Variants in ELK3 observed in about 807,000 individuals in gnomAD.
ELK3 encodes the protein ETS transcription factor ELK3, also known as ETS domain-containing protein Elk-3.
A neutral mutation model predicts 28.9 loss-of-function variants in ELK3; 10 were observed. The ratio of observed to expected loss-of-function variants is 0.35; its 90% CI spans 0.21 to 0.59. The LOEUF (loss-of-function observed/expected upper bound fraction) is 0.59. ELK3 is among the 20% of genes least tolerant of loss of function. The probability of loss-of-function intolerance (pLI) is 0.82; values close to 1 mark genes in which losing one functional copy is unlikely to be tolerated. For missense variants in ELK3, 463 were observed against 517.3 expected, an observed-to-expected ratio of 0.90 and a Z score of 1.02; for synonymous variants, 272 against 243.5, an observed-to-expected ratio of 1.12 and a Z score of -1.09.
At chr12:96,222,148 G>C (rs1279107436) in intron 1 of ELK3, among the ~76,000 whole-genome samples, 1 of 152,048 alleles carries the variant, frequency 6.6e-6, no homozygotes, top group Non-Finnish European at 1.5e-5. Context: ...AATGAGGATT[G>C]ATAACACAAA....
chr12:96,267,217 G>GAAAC lies in ELK3; in HGVS notation c.*41_*44dup. 1 of 1,580,054 alleles carries GAAAC rather than the reference G, an allele frequency of 6.3e-7. No individual in the cohort carries two copies. The highest frequency in any genetic ancestry group is 1.1e-5 in the South Asian group (1 of 87,040). ...CACAATTAAGGACTCATTAACTGATGAAACAAATTTGTCCCCACGGGCTAG... is the reference window on the plus strand; with the variant it reads ...CACAATTAAGGACTCATTAACTGATGAAACAAACAAATTTGTCCCCACGGGCTAG... On this transcript the variant is annotated 3_prime_UTR_variant, in exon 5 of 5. Transcript: ENST00000228741.
In ELK3 at chr12:96,258,548, G is replaced by A. The variant is rs571632087; in HGVS notation, c.1003-1183G>A. On this transcript the variant is annotated intron_variant, in intron 3 of 4. Transcript: ENST00000228741. The stretch of plus-strand genomic sequence containing the variant: ...GCATGGTGCAGTCTGAAAGGCTGGC[G>A]CCTTTGCTGTGGTTCTTCTTACACA... Among the ~76,000 whole-genome samples the A allele has an allele frequency of 1.4e-4, 21 of 152,296 alleles. 1 individual carries two copies. The South Asian group carries it at 2.9e-3, about 21-fold the overall frequency.
chr12:96,196,910 A>AAAAACAGCC (rs1428621228), intron 1 of ELK3, among the ~76,000 whole-genome samples: 1 of 152,138 alleles, frequency 6.6e-6, no homozygotes, highest in Non-Finnish European at 1.5e-5. Context: ...AAGTTGTCCT[A>AAAAACAGCC]AAAACAGCCC....
chr12:96,256,796 T>C (rs190320138), intron 3 of ELK3, among the ~76,000 whole-genome samples: 2 of 151,998 alleles, frequency 1.3e-5, no homozygotes, highest in African/African-American at 4.8e-5. Flanking sequence ...GAGGTGGCAT[T>C]TTGATGGGCA....
At chr12:96,257,507 T>C (rs1020519181) in intron 3 of ELK3, among the ~76,000 whole-genome samples, 17 of 152,220 alleles carry the variant, frequency 1.1e-4, no homozygotes, top group Admixed American at 1.0e-3. Context: ...CTAGACCTTG[T>C]ACATTGCTTA....
At chr12:96,196,871 A>C (rs1302125785) in intron 1 of ELK3, among the ~76,000 whole-genome samples, 1 of 151,690 alleles carries the variant, frequency 6.6e-6, no homozygotes, top group Non-Finnish European at 1.5e-5. Context: ...TGTTGCTTTT[A>C]AGGTGTTGGC....
At position 96,268,601 on chromosome 12, in the gene ELK3, T is replaced by G. The variant is rs1044772547; in HGVS notation, c.*1421T>G. On this transcript the variant is annotated 3_prime_UTR_variant, in exon 5 of 5. Transcript: ENST00000228741. ...AAGCACCAAGCTTTAAATTCAAGAT[T>G]AATTACAATCCTTAACTATAAGTGA... The G allele has an allele frequency of 4.6e-5, 7 of 152,186 alleles. No homozygotes were observed. The highest frequency in any genetic ancestry group is 1.0e-4 in the Non-Finnish European group (7 of 68,034). 9.4% of individuals were successfully genotyped at this position (152,186 alleles called of 1,614,324 possible).
rs1024756143 is a variant in ELK3, at chr12:96,268,804, G to C, written c.*1624G>C. On this transcript the variant is annotated 3_prime_UTR_variant, in exon 5 of 5. Transcript: ENST00000228741. ...ATTCTGAGGTTTTTCAATTGGAATT[G>C]AGCATCTCTGTATGTGGGGATGTGG... 6.6e-6 allele frequency: 1 copy of C among 152,178 alleles called. No homozygotes were observed. Among genetic ancestry groups the C allele is most frequent in the Non-Finnish European group, 1.5e-5 (1 of 68,026 alleles). 9.4% of individuals were successfully genotyped at this position (152,178 alleles called of 1,614,324 possible). A position where few individuals can be genotyped will look rare whatever the true frequency, so the allele number is the denominator to read the frequency against.
At chr12:96,224,860 A>G (rs1220296057) in intron 2 of ELK3, among the ~76,000 whole-genome samples, 1 of 152,192 alleles carries the variant, frequency 6.6e-6, no homozygotes, top group African/African-American at 2.4e-5. Flanking sequence ...TTAGTTCCTG[A>G]TCTATATTTA....
intron 2 of ELK3, among the ~76,000 whole-genome samples, chr12:96,245,208 A>C (rs1407168493): frequency 6.6e-6 from 1 of 152,164 alleles, no homozygotes; most frequent in African/African-American, 2.4e-5. Context: ...GGCAAATCAG[A>C]ATGTCATAAT....
Position 96,194,395 on chromosome 12 carries a change from C to T in ELK3, c.-313C>T, listed in dbSNP as rs1277004399. The T allele has an allele frequency of 6.8e-6, 1 of 146,418 alleles. No homozygotes were observed. The highest frequency in any genetic ancestry group is 1.5e-5 in the Non-Finnish European group (1 of 65,930). The allele number at this position is 146,418 out of a possible 1,614,324, so 9.1% of individuals were successfully genotyped here. A position where few individuals can be genotyped will look rare whatever the true frequency, so the allele number is the denominator to read the frequency against. On this transcript the variant is annotated 5_prime_UTR_variant, in exon 1 of 5. Coordinates refer to ENST00000228741, the MANE Select transcript of ELK3 (RefSeq NM_005230.4). ...GAGGCGCGGGCCTGGGCGGCCAGCC[C>T]CGGCGCACAGCCGCGGCCGGGGCGC...
At chr12:96,209,402 T>C (rs931164772) in intron 1 of ELK3, among the ~76,000 whole-genome samples, 3 of 152,020 alleles carry the variant, frequency 2.0e-5, no homozygotes, top group African/African-American at 4.8e-5. Context: ...AATAGAAGAG[T>C]TGGAGGATGC....
At chr12:96,195,462 A>C (rs150399114) in intron 1 of ELK3, among the ~76,000 whole-genome samples, 1 of 152,160 alleles carries the variant, frequency 6.6e-6, no homozygotes. Flanking sequence ...TTCGAACTCA[A>C]CGTTGGCCTG....
intron 2 of ELK3, 48 bp downstream of exon 2, chr12:96,223,821 C>T (rs118107469): frequency 1.2e-3 from 1,869 of 1,579,882 alleles, no homozygotes; most frequent in Non-Finnish European, 1.5e-3. Flanking sequence ...GGTGGAATCC[C>T]CTCTGCGTAG....
At chr12:96,211,789 A>G (rs1951581398) in intron 1 of ELK3, among the ~76,000 whole-genome samples, 1 of 152,218 alleles carries the variant, frequency 6.6e-6, no homozygotes, top group South Asian at 2.1e-4. Flanking sequence ...TACCTAAAAT[A>G]ACTTGTGCTT....
chr12:96,263,748 G>A (rs142535867), intron 4 of ELK3, among the ~76,000 whole-genome samples: 240 of 152,288 alleles, frequency 1.6e-3, no homozygotes, highest in African/African-American at 5.4e-3. Context: ...GCCGAATGAC[G>A]GGGACGTGAG....
Position 96,206,236 on chromosome 12 carries a change from G to A in ELK3, c.-3+11531G>A, listed in dbSNP as rs114965739. On this transcript the variant is annotated intron_variant, in intron 1 of 4. Transcript: ENST00000228741. ...TTTAAAACCTTGATGTAGATCAGAC[G>A]TGCACCAGATGATTCAAATATTTTA... 7.7e-3 allele frequency among the ~76,000 whole-genome samples: 1,175 copies of A among 152,076 alleles called. 23 individuals are homozygous for A. Among genetic ancestry groups the A allele is most frequent in the African/African-American group, 0.026 (1,065 of 41,494 alleles).
At chr12:96,237,718 C>T (rs998810516) in intron 2 of ELK3, among the ~76,000 whole-genome samples, 1 of 152,382 alleles carries the variant, frequency 6.6e-6, no homozygotes, top group South Asian at 2.1e-4. Flanking sequence ...GAGCTCCAGG[C>T]TGCCGTGTGT....
intron 2 of ELK3, among the ~76,000 whole-genome samples, chr12:96,226,603 CAT>C (rs748174817): frequency 3.3e-5 from 5 of 150,004 alleles, no homozygotes; most frequent in African/African-American, 1.0e-4. Context: ...TGCACACACA[CAT>C]ATGCCCACAT....
Sources: gnomAD v4.1 joint callset for allele counts (sites outside exome capture counted in the v4.1 genomes callset) on GRCh38, gnomAD v4.1.1 for gene constraint, MANE v1.5 for transcripts, NCBI Gene and HGNC (gene_info 2026-07-23, HGNC 2026-07-21) for gene names.